The following SRPK2 variants were observed in gnomAD, a reference collection of about 807,000 sequenced individuals.
The protein encoded by SRPK2 is SRSF protein kinase 2, also known as SFRS protein kinase 2.
In SRPK2, 21 loss-of-function variants were observed where a neutral mutation model predicts 90.8. The observed-to-expected ratio is 0.23, with a 90% CI of 0.16 to 0.33. SRPK2 has a LOEUF of 0.33. SRPK2 is among the 10% of genes least tolerant of loss of function. SRPK2 has a pLI of 1.00. For synonymous variants in SRPK2, 288 were observed against 311.1 expected, an observed-to-expected ratio of 0.93 and a Z score of 0.78; for missense variants, 620 against 869.0, an observed-to-expected ratio of 0.71 and a Z score of 3.60.
chr7:105,163,055 G>A (rs1355190878), intron 6 of SRPK2, among the ~76,000 whole-genome samples: 1 of 152,218 alleles, frequency 6.6e-6, no homozygotes. Flanking sequence ...GGTAACATTA[G>A]CAGCCACTGG....
intron 13 of SRPK2, among the ~76,000 whole-genome samples, chr7:105,129,473 C>T (rs140695489): frequency 5.7e-4 from 87 of 152,198 alleles, no homozygotes; most frequent in African/African-American, 1.9e-3. Context: ...CTCCTGGGTT[C>T]AAGCGATTCT....
chr7:105,140,429 T>C (rs1803546335), intron 11 of SRPK2, among the ~76,000 whole-genome samples: 1 of 151,950 alleles, frequency 6.6e-6, no homozygotes, highest in African/African-American at 2.4e-5. Context: ...GGTGAAGCTC[T>C]GTCTATACTA....
chr7:105,196,937 C>A (rs1388365559), intron 3 of SRPK2, among the ~76,000 whole-genome samples: 2 of 152,088 alleles, frequency 1.3e-5, no homozygotes, highest in African/African-American at 4.8e-5. Flanking sequence ...GTAATCCAAG[C>A]TACTCGGGAG....
chr7:105,379,456 G>A (rs1820687044), intron 2 of SRPK2, among the ~76,000 whole-genome samples: 1 of 151,990 alleles, frequency 6.6e-6, no homozygotes, highest in East Asian at 1.9e-4. Context: ...CGTACTGAGG[G>A]ATGACTGTAT....
At position 105,159,462 on chromosome 7, in the gene SRPK2, A is replaced by AAAAC. The variant is rs1236124900; in HGVS notation, c.621+1044_621+1045insGTTT. On this transcript the variant is annotated intron_variant, in intron 7 of 15. Coordinates refer to ENST00000393651, the MANE Select transcript of SRPK2 (RefSeq NM_182692.3). ...GACTCCGTCTCCAAAAAAAAAAAAA[A>AAAAC]AAAAAAAAAAACCGTACAAAAGGAA... Among the ~76,000 whole-genome samples the AAAAC allele has an allele frequency of 8.8e-5, 13 of 147,804 alleles. 1 individual carries two copies. Among genetic ancestry groups the AAAAC allele is most frequent in the African/African-American group, 3.2e-4 (13 of 40,078 alleles).
chr7:105,351,325 A>G (rs1035761553), intron 2 of SRPK2, among the ~76,000 whole-genome samples: 1 of 151,858 alleles, frequency 6.6e-6, no homozygotes, highest in African/African-American at 2.4e-5. Context: ...AAAGAAATAA[A>G]TTCCTTTTCT....
chr7:105,389,791 G>A (rs540597246), upstream of SRPK2, among the ~76,000 whole-genome samples: 2 of 152,238 alleles, frequency 1.3e-5, no homozygotes, highest in South Asian at 4.1e-4. Flanking sequence ...AAAGATAACT[G>A]CAATGTTCTC....
chr7:105,154,963 G>A (rs931957026), intron 7 of SRPK2, among the ~76,000 whole-genome samples: 5 of 151,518 alleles, frequency 3.3e-5, no homozygotes, highest in African/African-American at 1.2e-4. Context: ...GTGAGCCACC[G>A]CACCTGGCCC....
At chr7:105,125,667 A>C (rs1801088915) in intron 15 of SRPK2, 1 of 380,004 alleles carries the variant, frequency 2.6e-6, no homozygotes, top group South Asian at 2.3e-5. Flanking sequence ...TTTCTTCGGA[A>C]GAATTCCCCA....
At chr7:105,176,800 A>G (rs565014819) in intron 3 of SRPK2, among the ~76,000 whole-genome samples, 1 of 150,686 alleles carries the variant, frequency 6.6e-6, no homozygotes, top group Admixed American at 6.6e-5. Context: ...ACGCCTGGCT[A>G]ATTTTTGTAT....
At chr7:105,241,873 C>T (rs1447345514) in intron 2 of SRPK2, among the ~76,000 whole-genome samples, 1 of 151,940 alleles carries the variant, frequency 6.6e-6, no homozygotes, top group Non-Finnish European at 1.5e-5. Context: ...CTCCCCCTAC[C>T]ACACCTATAG....
intron 2 of SRPK2, among the ~76,000 whole-genome samples, chr7:105,274,253 CCT>C (rs564749123): frequency 2.0e-5 from 3 of 151,064 alleles, no homozygotes; most frequent in East Asian, 1.9e-4. Flanking sequence ...CAATAAATTC[CCT>C]CTCTCTCTCT....
intron 2 of SRPK2, among the ~76,000 whole-genome samples, chr7:105,311,063 A>G (rs1207791612): frequency 6.6e-6 from 1 of 152,162 alleles, no homozygotes; most frequent in East Asian, 1.9e-4. Flanking sequence ...AAAAGTAAAG[A>G]GCTGTTTTGG....
chr7:105,251,125 T>G (rs1802428196), intron 2 of SRPK2, among the ~76,000 whole-genome samples: 1 of 152,206 alleles, frequency 6.6e-6, no homozygotes, highest in Admixed American at 6.5e-5. Flanking sequence ...TACATCTATG[T>G]TGAAATGAAG....
intron 2 of SRPK2, among the ~76,000 whole-genome samples, chr7:105,211,867 A>G (rs1457188027): frequency 6.6e-6 from 1 of 152,242 alleles, no homozygotes; most frequent in Non-Finnish European, 1.5e-5. Flanking sequence ...AAAGTTAGTA[A>G]GGATGTAAGT....
At chr7:105,145,742 C>T (rs1432095634) in intron 8 of SRPK2, among the ~76,000 whole-genome samples, 2 of 152,276 alleles carry the variant, frequency 1.3e-5, no homozygotes, top group East Asian at 3.9e-4. Flanking sequence ...TCAAATACTG[C>T]AGTTGGTATG....
chr7:105,192,399 G>A (rs1263818149), intron 3 of SRPK2, among the ~76,000 whole-genome samples: 1 of 152,040 alleles, frequency 6.6e-6, no homozygotes, highest in Non-Finnish European at 1.5e-5. Flanking sequence ...ACTTTTTATG[G>A]TTGAGAAGTA....
chr7:105,184,849 TACC>T (rs918406097), intron 3 of SRPK2, among the ~76,000 whole-genome samples: 5 of 152,244 alleles, frequency 3.3e-5, no homozygotes, highest in African/African-American at 9.6e-5. Context: ...CTAAGAATTT[TACC>T]ACTTTATCTA....
intron 2 of SRPK2, among the ~76,000 whole-genome samples, chr7:105,346,230 G>C (rs10249170): frequency 1.6e-4 from 25 of 152,022 alleles, no homozygotes; most frequent in African/African-American, 5.8e-4. Context: ...TTCATCATCA[G>C]TAACTATTCC....
Sources: allele counts gnomAD v4.1 joint callset (sites outside exome capture counted in the v4.1 genomes callset), GRCh38; gene constraint gnomAD v4.1.1; transcripts MANE v1.5; gene names NCBI Gene and HGNC (gene_info 2026-07-23, HGNC 2026-07-21).